The following JUND variants were observed in gnomAD, a reference collection of about 807,000 sequenced individuals.
The protein encoded by JUND is JunD proto-oncogene, AP-1 transcription factor subunit.
Under a neutral mutation model 7.1 loss-of-function variants are expected in JUND, and 2 were observed. The ratio of observed to expected loss-of-function variants is 0.28; its 90% CI spans 0.11 to 0.88. The LOEUF (loss-of-function observed/expected upper bound fraction) is 0.88, where lower values mean the gene tolerates loss of function less well. Ranked by LOEUF, JUND falls within the 40% of genes least tolerant of loss-of-function variation. The pLI is 0.60. For synonymous variants in JUND, 335 were observed against 263.2 expected, an observed-to-expected ratio of 1.27 and a Z score of -2.64; for missense variants, 479 against 519.1, an observed-to-expected ratio of 0.92 and a Z score of 0.75.
Position 18,280,688 on chromosome 19 carries a change from T to TG in JUND, c.796dup (p.Gln266ProfsTer158). ...CTTGCGCTCCGCCTTGATGCGCTCC[T>TG]GCGTGTCCATGTCGATGGGCGACAA... On this transcript the variant is annotated frameshift_variant, in exon 1 of 1. Coordinates refer to ENST00000252818, the MANE Select transcript of JUND (RefSeq NM_005354.6). LOFTEE classifies it high-confidence loss of function. This position sits in a 1 kb window ranked among gnomAD's most constrained non-coding sequence, Gnocchi z 4.1. 6.2e-7 allele frequency: 1 copy of TG among 1,612,398 alleles called. No homozygotes were observed. Among genetic ancestry groups the TG allele is most frequent in the Non-Finnish European group, 8.5e-7 (1 of 1,179,736 alleles).
Position 18,280,901 on chromosome 19 carries a change from G to C in JUND, c.584C>G (p.Ala195Gly). 8.3e-7 allele frequency: 1 copy of C among 1,200,076 alleles called. No homozygotes were observed. The highest frequency in any genetic ancestry group is 1.0e-6 in the Non-Finnish European group (1 of 970,068). The allele number at this position is 1,200,076 out of a possible 1,614,324, so 74.3% of individuals were successfully genotyped here. ...GCCGCCCGCGTAGCTGCTCAGGTTC[G>C]CGTAGACAGGCGCTTCGGGCGCGGC... ...AAAAPEAPVY[A>G]NLSSYAGGAG... The change falls in exon 1 of 1, where the codon GCG becomes GGG. Residue 195 changes from alanine (A) to glycine (G), a missense_variant. Coordinates refer to ENST00000252818, the MANE Select transcript of JUND (RefSeq NM_005354.6). This position sits in a 1 kb window ranked among gnomAD's most constrained non-coding sequence, Gnocchi z 4.1.
chr19:18,280,107 C>G lies in JUND; in HGVS notation c.*334G>C, dbSNP rs964432518. 3.2e-6 allele frequency: 1 copy of G among 308,154 alleles called. No homozygotes were observed. The highest frequency in any genetic ancestry group is 2.3e-5 in the African/African-American group (1 of 43,908). 19.1% of individuals were successfully genotyped at this position (308,154 alleles called of 1,614,324 possible). ...AAGGCAGGGTTTGAGGCTGCGCCCC[C>G]TCGGAGCCCCCTTCCGCGGCGCGGT... On this transcript the variant is annotated 3_prime_UTR_variant, in exon 1 of 1. Transcript: ENST00000252818. The surrounding 1 kb of genome is among the most constrained non-coding windows in gnomAD (Gnocchi z 4.1).
Position 18,280,290 on chromosome 19 carries a change from C to G in JUND, c.*151G>C. 1 of 732,588 alleles carries G rather than the reference C, an allele frequency of 1.4e-6. No individual in the cohort carries two copies. Among genetic ancestry groups the G allele is most frequent in the Non-Finnish European group, 2.1e-6 (1 of 473,498 alleles). The allele number at this position is 732,588 out of a possible 1,614,324, so 45.4% of individuals were successfully genotyped here. On this transcript the variant is annotated 3_prime_UTR_variant, in exon 1 of 1. Transcript: ENST00000252818. The surrounding 1 kb of genome is among the most constrained non-coding windows in gnomAD (Gnocchi z 4.1). ...GGGCACCCTCGGGGGGGGGGAATCC[C>G]CGGGGGCCGCGCCCTCTCTGAGTTC...
chr19:18,280,643 G>A lies in JUND; in HGVS notation c.842C>T (p.Ala281Val). The A allele has an allele frequency of 6.2e-7, 1 of 1,612,710 alleles. No homozygotes were observed. The highest frequency in any genetic ancestry group is 1.6e-4 in the Middle Eastern group (1 of 6,062). ...AERKRLRNRI[A>V]ASKCRKRKLE... ...CTTGCGCTTGCGGCACTTGGAGGCG[G>A]CGATGCGGTTGCGCAGCCGCTTGCG... Residue 281 changes from alanine (A) to valine (V), a missense_variant, in exon 1 of 1, where the codon GCC becomes GTC. Ala to Val is a moderately conservative substitution (Grantham distance 64). This residue lies in a region of JUND where 63 missense variants were observed against 116.6 expected (regional missense o/e 0.54). Transcript: ENST00000252818. The surrounding 1 kb of genome is among the most constrained non-coding windows in gnomAD (Gnocchi z 4.1).
Position 18,281,539 on chromosome 19 carries a change from G to T in JUND, c.-55C>A. ...GGGGGAGTGGCCGCGGCCTCCCGGG[G>T]GGCCCGCGCCCCCCCGTCCGCTCGG... On this transcript the variant is annotated 5_prime_UTR_variant, in exon 1 of 1. Coordinates refer to ENST00000252818, the MANE Select transcript of JUND (RefSeq NM_005354.6). The T allele has an allele frequency of 1.0e-6, 1 of 967,588 alleles. No homozygotes were observed. The highest frequency in any genetic ancestry group is 4.5e-5 in the East Asian group (1 of 22,300). 59.9% of individuals were successfully genotyped at this position (967,588 alleles called of 1,614,324 possible).
Position 18,280,287 on chromosome 19 carries a change from T to A in JUND, c.*154A>T, listed in dbSNP as rs1969916553. On this transcript the variant is annotated 3_prime_UTR_variant, in exon 1 of 1. Coordinates refer to ENST00000252818, the MANE Select transcript of JUND (RefSeq NM_005354.6). The surrounding 1 kb of genome is among the most constrained non-coding windows in gnomAD (Gnocchi z 4.1). Reference sequence around the variant, plus strand: ...CCTGGGCACCCTCGGGGGGGGGGAATCCCCGGGGGCCGCGCCCTCTCTGAG... The same window carrying A: ...CCTGGGCACCCTCGGGGGGGGGGAAACCCCGGGGGCCGCGCCCTCTCTGAG... 1 of 591,180 alleles carries A rather than the reference T, an allele frequency of 1.7e-6. No homozygotes were observed. Among genetic ancestry groups the A allele is most frequent in the Non-Finnish European group, 2.6e-6 (1 of 391,894 alleles). The allele number at this position is 591,180 out of a possible 1,614,324, so 36.6% of individuals were successfully genotyped here.
chr19:18,280,381 C>T lies in JUND; in HGVS notation c.*60G>A. 3 of 1,515,012 alleles carry T rather than the reference C, an allele frequency of 2.0e-6. No homozygotes were observed. The highest frequency in any genetic ancestry group is 2.6e-6 in the Non-Finnish European group (3 of 1,136,452). The allele number at this position is 1,515,012 out of a possible 1,614,324, so 93.8% of individuals were successfully genotyped here. On this transcript the variant is annotated 3_prime_UTR_variant, in exon 1 of 1. Transcript: ENST00000252818. The surrounding 1 kb of genome is among the most constrained non-coding windows in gnomAD (Gnocchi z 4.1). ...CTCTCCAAGTCCGGGGCGCCCACGACACCCCCCCGCGAGCCCGCCCCTTGG... is the reference window on the plus strand; with the variant it reads ...CTCTCCAAGTCCGGGGCGCCCACGATACCCCCCCGCGAGCCCGCCCCTTGG...
rs1600147700 is a variant in JUND at position 18,281,050 on chromosome 19, C to G, written c.435G>C (p.Glu145Asp). 1.3e-6 allele frequency: 2 copies of G among 1,558,782 alleles called. No individual in the cohort carries two copies. Among genetic ancestry groups the G allele is most frequent in the Non-Finnish European group, 1.7e-6 (2 of 1,157,804 alleles). Residue 145 changes from glutamate (E) to aspartate (D), a missense_variant, in exon 1 of 1, where the codon GAG (glutamate) becomes GAC (aspartate). Around this residue, in one of 3 missense-constraint regions of JUND, gnomAD observed 374 missense variants for 365.4 expected, o/e 1.02. Transcript: ENST00000252818. ...CGAGCTGGTTCTGCTTGTGTAAATC[C>G]TCCAGGGCCTTGACGAAGCCCTCGG... ...EFAEGFVKAL[E>D]DLHKQNQLGA...
chr19:18,280,840 G>A lies in JUND; in HGVS notation c.645C>T (p.Phe215=). Residue 215 remains phenylalanine, a synonymous_variant, in exon 1 of 1, where the codon TTC becomes TTT. Coordinates refer to ENST00000252818, the MANE Select transcript of JUND (RefSeq NM_005354.6). This position sits in a 1 kb window ranked among gnomAD's most constrained non-coding sequence, Gnocchi z 4.1. ...GGAGGAATVA[F]AAEPVPFPPP... Reference sequence around the variant, plus strand: ...GCGGGAAGGGCACAGGTTCGGCAGCGAAGGCGACCGTCGCGGCGCCCCCCG... The same window carrying A: ...GCGGGAAGGGCACAGGTTCGGCAGCAAAGGCGACCGTCGCGGCGCCCCCCG... 7.2e-7 allele frequency: 1 copy of A among 1,390,634 alleles called. No homozygotes were observed. Among genetic ancestry groups the A allele is most frequent in the Middle Eastern group, 2.4e-4 (1 of 4,126 alleles). The allele number at this position is 1,390,634 out of a possible 1,614,324, so 86.1% of individuals were successfully genotyped here.
rs906366997 is a variant in JUND, at chr19:18,279,867, G to C, written c.*574C>G. The C allele has an allele frequency of 2.0e-5, 3 of 152,694 alleles. No individual in the cohort carries two copies. Among genetic ancestry groups the C allele is most frequent in the African/African-American group, 7.3e-5 (3 of 41,066 alleles). 9.5% of individuals were successfully genotyped at this position (152,694 alleles called of 1,614,324 possible). Reference sequence around the variant, plus strand: ...AACAAAACAGAACAAAAAAGGGAGGGGGGACCGGTCGAAAGAACCGAAGGG... The same window carrying C: ...AACAAAACAGAACAAAAAAGGGAGGCGGGACCGGTCGAAAGAACCGAAGGG... On this transcript the variant is annotated 3_prime_UTR_variant, in exon 1 of 1. Transcript: ENST00000252818.
Position 18,280,180 on chromosome 19 carries a change from C to T in JUND, c.*261G>A. On this transcript the variant is annotated 3_prime_UTR_variant, in exon 1 of 1. Transcript: ENST00000252818. This position sits in a 1 kb window ranked among gnomAD's most constrained non-coding sequence, Gnocchi z 4.1. ...CGCGGGTTTGTGCAACACGGGGCGGCCGCGCGGGGGAAAGAGGCAGCGCGA... is the reference window on the plus strand; with the variant it reads ...CGCGGGTTTGTGCAACACGGGGCGGTCGCGCGGGGGAAAGAGGCAGCGCGA... The T allele has an allele frequency of 2.4e-6, 1 of 419,020 alleles. No homozygotes were observed. The allele number at this position is 419,020 out of a possible 1,614,324, so 26.0% of individuals were successfully genotyped here. A position where few individuals can be genotyped will look rare whatever the true frequency, so the allele number is the denominator to read the frequency against.
At position 18,281,203 on chromosome 19, in the gene JUND, C is replaced by G; in HGVS notation, c.282G>C (p.Gly94=). ...GCTCGGGGGAGGCCAGCTTCAGCAG[C>G]CCCAGGTCGGGAGAGGCGAGCAGGC... ...PDGLLASPDL[G]LLKLASPELE... is the part of the protein sequence containing the mutation. Residue 94 remains glycine (G), a synonymous_variant, in exon 1 of 1, where the codon GGG becomes GGC. Coordinates refer to ENST00000252818, the MANE Select transcript of JUND (RefSeq NM_005354.6). The G allele has an allele frequency of 6.6e-7, 1 of 1,520,104 alleles. No individual in the cohort carries two copies. Among genetic ancestry groups the G allele is most frequent in the Non-Finnish European group, 8.8e-7 (1 of 1,141,612 alleles). 94.2% of individuals were successfully genotyped at this position (1,520,104 alleles called of 1,614,324 possible). A position where few individuals can be genotyped will look rare whatever the true frequency, so the allele number is the denominator to read the frequency against.
chr19:18,280,038 C>T lies in JUND; in HGVS notation c.*403G>A, dbSNP rs1600145919. 1 of 233,442 alleles carries T rather than the reference C, an allele frequency of 4.3e-6. No homozygotes were observed. Among genetic ancestry groups the T allele is most frequent in the Non-Finnish European group, 8.4e-6 (1 of 118,384 alleles). 14.5% of individuals were successfully genotyped at this position (233,442 alleles called of 1,614,324 possible). ...ATAGGGCAGAATCGAACACTCTGTT[C>T]TTCTCTCTTCCAAAGAAAAAAAAAA... On this transcript the variant is annotated 3_prime_UTR_variant, in exon 1 of 1. Transcript: ENST00000252818. The surrounding 1 kb of genome is among the most constrained non-coding windows in gnomAD (Gnocchi z 4.1).
Position 18,280,244 on chromosome 19 carries a change from G to T in JUND, c.*197C>A, listed in dbSNP as rs560864628. On this transcript the variant is annotated 3_prime_UTR_variant, in exon 1 of 1. Coordinates refer to ENST00000252818, the MANE Select transcript of JUND (RefSeq NM_005354.6). The surrounding 1 kb of genome is among the most constrained non-coding windows in gnomAD (Gnocchi z 4.1). ...ATGCGCTCGCCCCCCCGGGAGCAGG[G>T]GGTCCAGCTTGTCGAGTCCTGGGCA... The T allele has an allele frequency of 2.0e-5, 11 of 562,802 alleles. No individual in the cohort carries two copies. In the Admixed American group the frequency reaches 2.5e-4, roughly 13 times the overall value. 34.9% of individuals were successfully genotyped at this position (562,802 alleles called of 1,614,324 possible).
chr19:18,281,595 G>C lies in JUND; in HGVS notation c.-111C>G, dbSNP rs1042767281. 7.2e-5 allele frequency: 18 copies of C among 251,644 alleles called. No homozygotes were observed. The highest frequency in any genetic ancestry group is 3.5e-4 in the African/African-American group (15 of 42,838). 15.6% of individuals were successfully genotyped at this position (251,644 alleles called of 1,614,324 possible). On this transcript the variant is annotated 5_prime_UTR_variant, in exon 1 of 1. Coordinates refer to ENST00000252818, the MANE Select transcript of JUND (RefSeq NM_005354.6). ...CGCCCGCCCCGGCCGCGGCCGCAGC[G>C]CCCGGCCCTCCACTGGCGGCGGCTC...
In JUND at chr19:18,280,985, CCGGCGG is replaced by C. The variant is rs529130306; in HGVS notation, c.494_499del (p.Ala165_Ala166del). 1.2e-3 allele frequency: 1,338 copies of C among 1,142,692 alleles called. 1 individual carries two copies. Among genetic ancestry groups the C allele is most frequent in the Non-Finnish European group, 1.4e-3 (1,279 of 934,118 alleles). 70.8% of individuals were successfully genotyped at this position (1,142,692 alleles called of 1,614,324 possible). ...GCCCGTGGCCGTGCCCGAGGGCCCC[CCGGCGG>C]CGGCGGCGGCGGCGGCAGCGGCCGC... On this transcript the variant is annotated inframe_deletion, in exon 1 of 1. Coordinates refer to ENST00000252818, the MANE Select transcript of JUND (RefSeq NM_005354.6). This position sits in a 1 kb window ranked among gnomAD's most constrained non-coding sequence, Gnocchi z 4.1.
chr19:18,280,986 C>A lies in JUND; in HGVS notation c.499G>T (p.Gly167Trp). ...AAAAAAAAAA[G>W]GPSGTATGSA... is the part of the protein sequence containing the mutation. ...CCCGTGGCCGTGCCCGAGGGCCCCC[C>A]GGCGGCGGCGGCGGCGGCGGCAGCG... Residue 167 changes from glycine to tryptophan, a missense_variant, in exon 1 of 1, where the codon GGG (glycine) becomes TGG (tryptophan). Around this residue, in one of 3 missense-constraint regions of JUND, gnomAD observed 374 missense variants for 365.4 expected, o/e 1.02. Transcript: ENST00000252818. The surrounding 1 kb of genome is among the most constrained non-coding windows in gnomAD (Gnocchi z 4.1). 9.0e-7 allele frequency: 1 copy of A among 1,107,152 alleles called. No homozygotes were observed. Among genetic ancestry groups the A allele is most frequent in the Non-Finnish European group, 1.1e-6 (1 of 908,888 alleles). The allele number at this position is 1,107,152 out of a possible 1,614,324, so 68.6% of individuals were successfully genotyped here.
In JUND at chr19:18,280,251, G is replaced by A. The variant is rs1017731753; in HGVS notation, c.*190C>T. On this transcript the variant is annotated 3_prime_UTR_variant, in exon 1 of 1. Coordinates refer to ENST00000252818, the MANE Select transcript of JUND (RefSeq NM_005354.6). The surrounding 1 kb of genome is among the most constrained non-coding windows in gnomAD (Gnocchi z 4.1). ...CGCCCCCCCGGGAGCAGGGGGTCCA[G>A]CTTGTCGAGTCCTGGGCACCCTCGG... is the stretch of plus-strand genomic sequence containing the variant. 8.1e-5 allele frequency: 13 copies of A among 160,682 alleles called. No homozygotes were observed. The highest frequency in any genetic ancestry group is 1.1e-4 in the Non-Finnish European group (11 of 95,732). 10.0% of individuals were successfully genotyped at this position (160,682 alleles called of 1,614,324 possible).
Position 18,281,339 on chromosome 19 carries a change from G to C in JUND, c.146C>G (p.Ala49Gly). Reference protein sequence around the residue: ...AAAGSMMKKDALTLSLSEQVA... With the variant: ...AAAGSMMKKDGLTLSLSEQVA... ...CTGCTCACTCAGGCTCAGCGTCAGC[G>C]CGTCCTTCTTCATCATGCTGCCGGC... The change falls in exon 1 of 1, where the codon GCG becomes GGG. Residue 49 changes from alanine to glycine, a missense_variant. Ala to Gly is a moderately conservative substitution (Grantham distance 60). Around this residue, in one of 3 missense-constraint regions of JUND, gnomAD observed 374 missense variants for 365.4 expected, o/e 1.02. Coordinates refer to ENST00000252818, the MANE Select transcript of JUND (RefSeq NM_005354.6). The C allele has an allele frequency of 1.5e-6, 2 of 1,353,344 alleles. No individual in the cohort carries two copies. The highest frequency in any genetic ancestry group is 1.9e-6 in the Non-Finnish European group (2 of 1,062,348). The allele number at this position is 1,353,344 out of a possible 1,614,324, so 83.8% of individuals were successfully genotyped here. A position where few individuals can be genotyped will look rare whatever the true frequency, so the allele number is the denominator to read the frequency against.
Sources: allele counts gnomAD v4.1 joint callset, GRCh38; gene constraint gnomAD v4.1.1; regional missense constraint gnomAD v4.1.1; non-coding constraint Gnocchi (gnomAD v3.1); transcripts MANE v1.5; gene names NCBI Gene and HGNC (gene_info 2026-07-23, HGNC 2026-07-21).